The following NPAS3 variants were observed in gnomAD, a reference collection of about 807,000 sequenced individuals.
NPAS3 encodes neuronal PAS domain-containing protein 3.
NPAS3 carries 14 observed loss-of-function variants against 73.1 expected under a neutral mutation model. The observed-to-expected ratio is 0.19, with a 90% CI of 0.13 to 0.30. NPAS3 has a LOEUF of 0.30. Among genes scored for constraint, NPAS3 ranks in the 10% least tolerant of loss-of-function variants. The probability of loss-of-function intolerance (pLI) is 1.00; values close to 1 mark genes in which losing one functional copy is unlikely to be tolerated. For missense variants in NPAS3, 1,096 were observed against 1,250.0 expected, an observed-to-expected ratio of 0.88 and a Z score of 1.86; for synonymous variants, 620 against 541.5, an observed-to-expected ratio of 1.14 and a Z score of -2.01.
intron 4 of NPAS3, among the ~76,000 whole-genome samples, chr14:33,407,699 C>T (rs974782280): frequency 1.3e-5 from 2 of 152,014 alleles, no homozygotes; most frequent in Admixed American, 1.3e-4. Flanking sequence ...CCGTTTTCCC[C>T]ACCTTCTCAT....
At chr14:33,322,072 C>A (rs1199360036) in intron 3 of NPAS3, among the ~76,000 whole-genome samples, 2 of 152,148 alleles carry the variant, frequency 1.3e-5, no homozygotes, top group Non-Finnish European at 2.9e-5. Context: ...AATATAAGCC[C>A]TCTGAGCACA....
At chr14:33,176,010 C>G (rs1434957049) in intron 2 of NPAS3, among the ~76,000 whole-genome samples, 1 of 151,998 alleles carries the variant, frequency 6.6e-6, no homozygotes, top group Non-Finnish European at 1.5e-5. Context: ...TATAAATTTT[C>G]TTGTTCATCC....
At chr14:33,117,115 G>A (rs941824949) in intron 2 of NPAS3, among the ~76,000 whole-genome samples, 1 of 151,888 alleles carries the variant, frequency 6.6e-6, no homozygotes, top group Non-Finnish European at 1.5e-5. Flanking sequence ...GGTACAATGT[G>A]ATGTTTTCGT....
At chr14:33,568,654 T>TC (rs2056077086) in intron 5 of NPAS3, among the ~76,000 whole-genome samples, 1 of 152,234 alleles carries the variant, frequency 6.6e-6, no homozygotes, top group Admixed American at 6.5e-5. Context: ...ATTTCATTTC[T>TC]ATACACACAC....
chr14:33,153,236 C>T lies in NPAS3; in HGVS notation c.141-61946C>T, dbSNP rs184217850. Among the ~76,000 whole-genome samples, 3 of 151,120 alleles carry T rather than the reference C, an allele frequency of 2.0e-5. 1 individual carries two copies. The highest frequency in any genetic ancestry group is 6.8e-3 in the Middle Eastern group (2 of 292). The stretch of plus-strand genomic sequence containing the variant: ...TTTCTACTTTTTTTTTCATCTGAGT[C>T]GTATCTTCTGTGTTAGAGAGTTTTT... On this transcript the variant is annotated intron_variant, in intron 2 of 11. Coordinates refer to ENST00000356141, the Ensembl canonical transcript of NPAS3.
intron 5 of NPAS3, among the ~76,000 whole-genome samples, chr14:33,665,379 G>T (rs920568451): frequency 6.6e-6 from 1 of 152,028 alleles, no homozygotes; most frequent in Non-Finnish European, 1.5e-5. Flanking sequence ...AACCACCATG[G>T]CGCGTGTATA....
chr14:33,746,853 C>T (rs2061818038), intron 7 of NPAS3, among the ~76,000 whole-genome samples: 3 of 151,838 alleles, frequency 2.0e-5, no homozygotes, highest in Admixed American at 6.6e-5. Flanking sequence ...ACTAACTCGT[C>T]ATCTAGCATT....
rs187966780 is a variant in NPAS3, at chr14:33,067,327, T to A, written c.140+11333T>A. Among the ~76,000 whole-genome samples the A allele has an allele frequency of 3.9e-5, 6 of 152,324 alleles. No individual in the cohort carries two copies. The East Asian group carries it at 1.2e-3, about 29-fold the overall frequency. On this transcript the variant is annotated intron_variant, in intron 2 of 11. Transcript: ENST00000356141. ...TTTGCCATATTTGAACATCAGTCAT[T>A]TAAAGAACACACAACCAGTGTCCTG... is the stretch of plus-strand genomic sequence containing the variant.
At chr14:33,153,156 T>A (rs1344011854) in intron 2 of NPAS3, among the ~76,000 whole-genome samples, 1 of 152,152 alleles carries the variant, frequency 6.6e-6, no homozygotes, top group Non-Finnish European at 1.5e-5. Context: ...AATAGGAACA[T>A]GCTTGTTTTT....
chr14:33,097,141 G>C lies in NPAS3; in HGVS notation c.140+41147G>C, dbSNP rs994000977. 7.9e-5 allele frequency among the ~76,000 whole-genome samples: 12 copies of C among 152,152 alleles called. No individual in the cohort carries two copies. The East Asian group carries it at 2.1e-3, about 27-fold the overall frequency. On this transcript the variant is annotated intron_variant, in intron 2 of 11. Transcript: ENST00000356141. ...GCCTGTAATCCCAGCACTTTGAGAGGCCAATGCAGGAGGATCGCCTGAGCC... is the reference window on the plus strand; with the variant it reads ...GCCTGTAATCCCAGCACTTTGAGAGCCCAATGCAGGAGGATCGCCTGAGCC...
At chr14:33,727,560 T>C (rs1243114080) in intron 6 of NPAS3, among the ~76,000 whole-genome samples, 1 of 151,592 alleles carries the variant, frequency 6.6e-6, no homozygotes, top group Non-Finnish European at 1.5e-5. Flanking sequence ...TGTATTGTAG[T>C]ACAAAGACTA....
intron 5 of NPAS3, among the ~76,000 whole-genome samples, chr14:33,675,356 G>T (rs1198308384): frequency 6.6e-6 from 1 of 152,176 alleles, no homozygotes; most frequent in East Asian, 1.9e-4. Flanking sequence ...AGACGCAGGG[G>T]TCATGCCTGA....
intron 5 of NPAS3, among the ~76,000 whole-genome samples, chr14:33,674,824 A>C (rs1260918632): frequency 1.3e-5 from 2 of 152,212 alleles, no homozygotes; most frequent in African/African-American, 4.8e-5. Context: ...ATAGATGTGG[A>C]AGATCTGCAG....
At chr14:33,746,397 C>T (rs1310236041) in intron 7 of NPAS3, among the ~76,000 whole-genome samples, 6 of 151,664 alleles carry the variant, frequency 4.0e-5, no homozygotes, top group Admixed American at 3.9e-4. Context: ...CCATGTTGGC[C>T]AGGCTGGTCT....
At chr14:33,802,196 G>T (rs928448545), downstream of NPAS3, 2 of 151,710 alleles carry the variant, frequency 1.3e-5, no homozygotes, top group African/African-American at 2.4e-5. Flanking sequence ...CATGTTTTTG[G>T]TTTTTTTCAT....
intron 7 of NPAS3, among the ~76,000 whole-genome samples, chr14:33,759,581 T>A (rs965482795): frequency 3.9e-5 from 6 of 152,232 alleles, no homozygotes; most frequent in Non-Finnish European, 8.8e-5. Context: ...CAGCCCTGGA[T>A]TTTGAATTTG....
intron 1 of NPAS3, among the ~76,000 whole-genome samples, chr14:32,993,895 A>G (rs984778551): frequency 5.9e-5 from 9 of 152,228 alleles, no homozygotes; most frequent in African/African-American, 2.2e-4. Flanking sequence ...AAATCTTTCC[A>G]GGTCTTTTTG....
intron 1 of NPAS3, among the ~76,000 whole-genome samples, chr14:33,049,365 A>C (rs2040622560): frequency 6.6e-6 from 1 of 152,210 alleles, no homozygotes; most frequent in Non-Finnish European, 1.5e-5. Context: ...GCTGCTGATA[A>C]AGACATACCT....
chr14:33,118,659 C>A (rs1013455207), intron 2 of NPAS3, among the ~76,000 whole-genome samples: 8 of 151,968 alleles, frequency 5.3e-5, no homozygotes, highest in Non-Finnish European at 7.4e-5. Context: ...GTATCCAGGG[C>A]AAAATATAGC....
Sources: gnomAD v4.1 joint callset for allele counts (sites outside exome capture counted in the v4.1 genomes callset) on GRCh38, gnomAD v4.1.1 for gene constraint, MANE v1.5 for transcripts, NCBI Gene and HGNC (gene_info 2026-07-23, HGNC 2026-07-21) for gene names.